The following SPAG1 variants were observed in gnomAD, a reference collection of about 807,000 sequenced individuals.
The protein encoded by SPAG1 is sperm associated antigen 1, also known as sperm-associated antigen 1.
In SPAG1, 69 loss-of-function variants were observed where a neutral mutation model predicts 100.5. That is an observed-to-expected ratio of 0.69 (90% CI 0.57 to 0.84). SPAG1 has a LOEUF of 0.84. Ranked by LOEUF, SPAG1 falls within the 40% of genes least tolerant of loss-of-function variation. The probability of loss-of-function intolerance (pLI) is 0.00; values close to 1 mark genes in which losing one functional copy is unlikely to be tolerated. For missense variants in SPAG1, 955 were observed against 1,133.1 expected, an observed-to-expected ratio of 0.84 and a Z score of 2.26; for synonymous variants, 336 against 411.6, an observed-to-expected ratio of 0.82 and a Z score of 2.22.
At chr8:100,236,660 A>T (rs553107877) in intron 16 of SPAG1, among the ~76,000 whole-genome samples, 1 of 152,314 alleles carries the variant, frequency 6.6e-6, no homozygotes, top group African/African-American at 2.4e-5. Flanking sequence ...TTTGAAAAAT[A>T]TGAGCTTTCT....
intron 3 of SPAG1, among the ~76,000 whole-genome samples, chr8:100,167,478 CTCTT>C (rs953955044): frequency 5.9e-5 from 9 of 152,292 alleles, no homozygotes; most frequent in African/African-American, 2.2e-4. Context: ...AATATGAGCT[CTCTT>C]TCTCTCAAAA....
chr8:100,241,303 T>C lies in SPAG1; in HGVS notation c.*281T>C, dbSNP rs552027859. 5.2e-6 allele frequency: 1 copy of C among 193,988 alleles called. No homozygotes were observed. Among genetic ancestry groups the C allele is most frequent in the East Asian group, 1.2e-4 (1 of 8,236 alleles). The allele number at this position is 193,988 out of a possible 1,614,324, so 12.0% of individuals were successfully genotyped here. On this transcript the variant is annotated 3_prime_UTR_variant, in exon 19 of 19. Transcript: ENST00000388798. This position sits in a 1 kb window ranked among gnomAD's most constrained non-coding sequence, Gnocchi z 5.1. ...TATACATATTATTTTAATTACTTGT[T>C]AAAATTTTGAGTTAAGTTGCATTTC...
At chr8:100,166,080 A>G (rs914882069) in intron 3 of SPAG1, 107 bp downstream of exon 3, 2 of 965,338 alleles carry the variant, frequency 2.1e-6, no homozygotes, top group Non-Finnish European at 3.0e-6. Flanking sequence ...AAGGGCTTTT[A>G]GTGTCAATTA....
Position 100,162,302 on chromosome 8 carries a change from T to A in SPAG1, c.22T>A (p.Ser8Thr), listed in dbSNP as rs375668223. Residue 8 changes from serine to threonine, a missense_variant, in exon 2 of 19, where the codon TCA becomes ACA. Physicochemically the swap from Ser to Thr is moderately conservative, Grantham distance 58. Transcript: ENST00000388798. ...AGCTATGACCACCAAAGATTATCCA[T>A]CATTGTGGGGCTTTGGAACAACAAA... MTTKDYP[S>T]LWGFGTTKTF... 2 of 1,602,784 alleles carry A rather than the reference T, an allele frequency of 1.2e-6. No homozygotes were observed. The highest frequency in any genetic ancestry group is 2.7e-5 in the African/African-American group (2 of 74,288).
At position 100,240,479 on chromosome 8, in the gene SPAG1, G is replaced by A. The variant is rs770568183; in HGVS notation, c.2357G>A (p.Gly786Asp). Residue 786 changes from glycine to aspartate, a missense_variant, in exon 18 of 19, where the codon GGC becomes GAC. Gly to Asp is a moderately conservative substitution (Grantham distance 94). Coordinates refer to ENST00000388798, the MANE Select transcript of SPAG1 (RefSeq NM_003114.5). Reference protein sequence around the residue: ...SMGCLASEKGGKSSRSPEDPE... With the variant: ...SMGCLASEKGDKSSRSPEDPE... ...GGATGCCTTGCTTCTGAGAAGGGAG[G>A]CAAAAGCAGCAGGTCACCAGAAGAC... is the stretch of plus-strand genomic sequence containing the variant. 6 of 1,614,020 alleles carry A rather than the reference G, an allele frequency of 3.7e-6. No individual in the cohort carries two copies. Among genetic ancestry groups the A allele is most frequent in the Non-Finnish European group, 5.1e-6 (6 of 1,179,972 alleles).
intron 3 of SPAG1, among the ~76,000 whole-genome samples, chr8:100,167,636 A>C (rs1563769389): frequency 6.6e-6 from 1 of 152,226 alleles, no homozygotes; most frequent in Non-Finnish European, 1.5e-5. Context: ...TTTTTCATGA[A>C]TCTGTCACTT....
intron 2 of SPAG1, among the ~76,000 whole-genome samples, chr8:100,164,168 C>T (rs978591254): frequency 2.0e-5 from 3 of 152,052 alleles, no homozygotes; most frequent in Middle Eastern, 3.2e-3. Context: ...CCATTTTCTT[C>T]CTACCTCTTT....
chr8:100,179,079 A>C (rs944655812), intron 4 of SPAG1, among the ~76,000 whole-genome samples: 19 of 149,160 alleles, frequency 1.3e-4, no homozygotes, highest in Admixed American at 6.7e-5. Context: ...AAAAAAAAAA[A>C]CCACAAAAAC....
intron 2 of SPAG1, chr8:100,165,210 A>G: frequency 2.0e-6 from 1 of 508,222 alleles, no homozygotes; most frequent in South Asian, 1.5e-5. Context: ...GTATGTTCCA[A>G]GCAGCCGATA....
chr8:100,213,415 C>A lies in SPAG1; in HGVS notation c.1422C>A (p.Leu474=). The part of the protein sequence containing the change: ...AAGKYSAAIA[L]LEPAGSEIAD... ...GCAAGTACTCGGCGGCAATCGCGCT[C>A]CTGGAGCCAGCAGGTAGGTGCGCCG... is the stretch of plus-strand genomic sequence containing the variant. The change falls in exon 11 of 19, where the codon CTC becomes CTA. Residue 474 remains leucine, a synonymous_variant. Coordinates refer to ENST00000388798, the MANE Select transcript of SPAG1 (RefSeq NM_003114.5). 1 of 1,426,032 alleles carries A rather than the reference C, an allele frequency of 7.0e-7. No homozygotes were observed. Among genetic ancestry groups the A allele is most frequent in the Non-Finnish European group, 9.2e-7 (1 of 1,090,530 alleles). 88.3% of individuals were successfully genotyped at this position (1,426,032 alleles called of 1,614,324 possible).
intron 10 of SPAG1, among the ~76,000 whole-genome samples, chr8:100,200,090 C>T (rs1817207623): frequency 6.6e-6 from 1 of 152,186 alleles, no homozygotes; most frequent in Admixed American, 6.5e-5. Flanking sequence ...AATGCTATCC[C>T]TCCCCTCACT....
intron 3 of SPAG1, among the ~76,000 whole-genome samples, chr8:100,175,376 C>T (rs1816065570): frequency 6.6e-6 from 1 of 150,756 alleles, no homozygotes; most frequent in Non-Finnish European, 1.5e-5. Flanking sequence ...GCTCTGCCTC[C>T]CAAGTTCACA....
At chr8:100,233,323 C>T (rs1818861245) in intron 15 of SPAG1, 88 bp from the exon 16 acceptor site, 1 of 1,410,810 alleles carries the variant, frequency 7.1e-7, no homozygotes, top group Non-Finnish European at 9.9e-7. Context: ...ACATATTGAG[C>T]TATTTTCTGA....
At chr8:100,184,558 T>A in intron 6 of SPAG1, 70 bp from the exon 7 acceptor site, 1 of 725,418 alleles carries the variant, frequency 1.4e-6, no homozygotes, top group Non-Finnish European at 2.2e-6. Context: ...AAATAAGCAT[T>A]CTTAGATTTA....
chr8:100,183,458 A>AC (rs1816454591), intron 5 of SPAG1, 22 bp downstream of exon 5: 3 of 1,249,922 alleles, frequency 2.4e-6, no homozygotes, highest in Non-Finnish European at 3.4e-6. Context: ...ATGTCTTTAT[A>AC]TAAAATGTAT....
chr8:100,178,011 C>G, intron 4 of SPAG1, 70 bp downstream of exon 4: 2 of 1,348,768 alleles, frequency 1.5e-6, no homozygotes, highest in Non-Finnish European at 2.1e-6. Context: ...GGGGCAATCT[C>G]AGTTTAATTG....
intron 11 of SPAG1, 52 bp from the exon 12 acceptor site, chr8:100,213,767 C>A: frequency 8.6e-7 from 1 of 1,165,054 alleles, no homozygotes; most frequent in Non-Finnish European, 1.3e-6. Flanking sequence ...TTCTGGTGAA[C>A]TGTGATCTTG....
At chr8:100,235,229 TAA>T in intron 16 of SPAG1, among the ~76,000 whole-genome samples, 1 of 152,152 alleles carries the variant, frequency 6.6e-6, no homozygotes, top group Non-Finnish European at 1.5e-5. Flanking sequence ...TCTCTTTTTA[TAA>T]AGACACAGTC....
At chr8:100,170,830 TTTATTTATTTATTTA>T (rs1815789517) in intron 3 of SPAG1, among the ~76,000 whole-genome samples, 1 of 149,714 alleles carries the variant, frequency 6.7e-6, no homozygotes, top group African/African-American at 2.5e-5. Context: ...TATTTATTTA[TTTATTTATTTATTTA>T]TTTATTTTTT....
Sources: gnomAD v4.1 joint callset for allele counts (sites outside exome capture counted in the v4.1 genomes callset) on GRCh38, gnomAD v4.1.1 for gene constraint, Gnocchi (gnomAD v3.1) non-coding constraint, MANE v1.5 for transcripts, NCBI Gene and HGNC (gene_info 2026-07-23, HGNC 2026-07-21) for gene names.